Variants in PTPRT observed in about 807,000 individuals in gnomAD.
PTPRT encodes protein tyrosine phosphatase receptor type T, also known as receptor-type tyrosine-protein phosphatase T.
PTPRT carries 56 observed loss-of-function variants against 176.8 expected under a neutral mutation model. The observed-to-expected ratio is 0.32, with a 90% confidence interval of 0.26 to 0.40. The LOEUF (loss-of-function observed/expected upper bound fraction) is 0.40, where lower values mean the gene tolerates loss of function less well. PTPRT is among the 10% of genes least tolerant of loss of function. The pLI is 1.00. For synonymous variants in PTPRT, 783 were observed against 739.0 expected, an observed-to-expected ratio of 1.06 and a Z score of -0.96; for missense variants, 1,540 against 1,908.2, an observed-to-expected ratio of 0.81 and a Z score of 3.60.
chr20:42,502,991 A>G (rs372185370), intron 7 of PTPRT, among the ~76,000 whole-genome samples: 2 of 152,046 alleles, frequency 1.3e-5, no homozygotes, highest in African/African-American at 2.4e-5. Flanking sequence ...GTTATTACCA[A>G]TCTGTAAGTT....
chr20:43,166,723 T>C (rs1224882009), intron 1 of PTPRT, among the ~76,000 whole-genome samples: 1 of 152,164 alleles, frequency 6.6e-6, no homozygotes, highest in Non-Finnish European at 1.5e-5. Context: ...GCTGTACAGA[T>C]AAGGGGGGTA....
At chr20:43,062,236 T>G (rs1292125444) in intron 1 of PTPRT, among the ~76,000 whole-genome samples, 2 of 152,240 alleles carry the variant, frequency 1.3e-5, no homozygotes, top group Non-Finnish European at 2.9e-5. Flanking sequence ...TTATTGGATG[T>G]GACTAAAGCT....
At chr20:43,074,532 C>T (rs1319176978) in intron 1 of PTPRT, among the ~76,000 whole-genome samples, 1 of 152,290 alleles carries the variant, frequency 6.6e-6, no homozygotes, top group East Asian at 1.9e-4. Context: ...ATGAAGTTTG[C>T]TCGTGCATTT....
chr20:42,447,180 G>A (rs1159355362), intron 9 of PTPRT, among the ~76,000 whole-genome samples: 1 of 152,094 alleles, frequency 6.6e-6, no homozygotes, highest in Admixed American at 6.5e-5. Context: ...GCATGTTTCT[G>A]CATGAGCTCT....
intron 14 of PTPRT, among the ~76,000 whole-genome samples, chr20:42,239,259 G>A (rs2146872135): frequency 6.6e-6 from 1 of 152,188 alleles, no homozygotes; most frequent in African/African-American, 2.4e-5. Flanking sequence ...ATTAACTCAT[G>A]TATTCCTCAC....
intron 1 of PTPRT, among the ~76,000 whole-genome samples, chr20:43,044,595 C>T (rs970788536): frequency 2.6e-4 from 39 of 152,264 alleles, no homozygotes; most frequent in Non-Finnish European, 2.9e-4. Context: ...ACCTCCCTGC[C>T]GCATGCCCTT....
chr20:42,068,917 C>G (rs1322903694), downstream of PTPRT, among the ~76,000 whole-genome samples: 1 of 152,178 alleles, frequency 6.6e-6, no homozygotes, highest in East Asian at 1.9e-4. Context: ...GAAACAGATT[C>G]ATCTTCTATC....
At chr20:42,127,866 A>C (rs1415464517) in intron 19 of PTPRT, among the ~76,000 whole-genome samples, 4 of 152,208 alleles carry the variant, frequency 2.6e-5, no homozygotes, top group African/African-American at 9.6e-5. Flanking sequence ...TAGTTGTCTT[A>C]ATTCCAGAAT....
chr20:43,189,825 C>T lies in PTPRT; in HGVS notation c.-92G>A, dbSNP rs2015497153. 3.1e-6 allele frequency: 2 copies of T among 641,000 alleles called. No homozygotes were observed. Among genetic ancestry groups the T allele is most frequent in the Middle Eastern group, 7.9e-4 (1 of 1,262 alleles). 39.7% of individuals were successfully genotyped at this position (641,000 alleles called of 1,614,324 possible). A position where few individuals can be genotyped will look rare whatever the true frequency, so the allele number is the denominator to read the frequency against. ...GGTGGCCCCGCATCGCCGGCGCGGCCGCTGGCTGTGCGCGCGGCTGGCTCC... is the reference window on the plus strand; with the variant it reads ...GGTGGCCCCGCATCGCCGGCGCGGCTGCTGGCTGTGCGCGCGGCTGGCTCC... On this transcript the variant is annotated 5_prime_UTR_variant, in exon 1 of 31. Coordinates refer to ENST00000373187, the MANE Select transcript of PTPRT (RefSeq NM_007050.6). The surrounding 1 kb of genome is among the most constrained non-coding windows in gnomAD (Gnocchi z 5.0).
chr20:42,099,547 G>GA lies in PTPRT; in HGVS notation c.3715-996_3715-995insT, dbSNP rs1491261716. Among the ~76,000 whole-genome samples, 16 of 35,358 alleles carry GA rather than the reference G, an allele frequency of 4.5e-4. No individual in the cohort carries two copies. The East Asian group carries it at 0.018, about 39-fold the overall frequency. 23.2% of individuals were successfully genotyped at this position (35,358 alleles called of 152,430 possible). On this transcript the variant is annotated intron_variant, in intron 26 of 30. Coordinates refer to ENST00000373187, the MANE Select transcript of PTPRT (RefSeq NM_007050.6). ...GAGGCCCAGAGAAAATGGCCTGGGC[G>GA]GGGGGGGGGGGGGTGGGGTGGTCTG...
At chr20:42,427,603 T>C (rs1474297287) in intron 9 of PTPRT, among the ~76,000 whole-genome samples, 2 of 152,046 alleles carry the variant, frequency 1.3e-5, no homozygotes, top group African/African-American at 4.8e-5. Context: ...AAGGGCAGAC[T>C]CCTCCCAAAC....
At chr20:42,865,383 T>C (rs2078729368) in intron 2 of PTPRT, among the ~76,000 whole-genome samples, 1 of 152,162 alleles carries the variant, frequency 6.6e-6, no homozygotes. Context: ...AGATTTTCTG[T>C]TTCCTTTAAA....
chr20:42,620,973 T>C (rs1329026032), intron 7 of PTPRT, among the ~76,000 whole-genome samples: 1 of 151,984 alleles, frequency 6.6e-6, no homozygotes. Context: ...CCCCCGAAAC[T>C]TTCGTTTTTA....
chr20:42,738,372 C>G (rs193156253), intron 6 of PTPRT, among the ~76,000 whole-genome samples: 43 of 152,092 alleles, frequency 2.8e-4, no homozygotes, highest in African/African-American at 1.0e-3. Context: ...ATTAGCCAGG[C>G]ATGGTGGCAG....
At chr20:42,631,927 T>C (rs531158575) in intron 7 of PTPRT, among the ~76,000 whole-genome samples, 1 of 152,292 alleles carries the variant, frequency 6.6e-6, no homozygotes, top group South Asian at 2.1e-4. Flanking sequence ...TCTTTGTGTA[T>C]CTGGGGTCTT....
At chr20:42,589,120 T>C (rs1232088249) in intron 7 of PTPRT, among the ~76,000 whole-genome samples, 2 of 152,162 alleles carry the variant, frequency 1.3e-5, no homozygotes, top group African/African-American at 2.4e-5. Flanking sequence ...AATGCTGTCA[T>C]TGAGACATGG....
intron 6 of PTPRT, among the ~76,000 whole-genome samples, chr20:42,752,310 C>T (rs528544554): frequency 6.6e-6 from 1 of 152,356 alleles, no homozygotes; most frequent in Admixed American, 6.5e-5. Context: ...ACTCCTACAT[C>T]CATTATCACA....
intron 9 of PTPRT, among the ~76,000 whole-genome samples, chr20:42,382,508 C>T (rs1042411291): frequency 6.6e-6 from 1 of 152,148 alleles, no homozygotes; most frequent in African/African-American, 2.4e-5. Context: ...ACAGAGCCGT[C>T]CTGGAACTGA....
chr20:42,051,027 T>C, the PTPRT span, among the ~76,000 whole-genome samples: 2 of 152,248 alleles, frequency 1.3e-5, no homozygotes, highest in African/African-American at 4.8e-5. Flanking sequence ...CTCATGTAGC[T>C]GCTGTAAATG....
Sources: gnomAD v4.1 joint callset for allele counts (sites outside exome capture counted in the v4.1 genomes callset) on GRCh38, gnomAD v4.1.1 for gene constraint, Gnocchi (gnomAD v3.1) non-coding constraint, MANE v1.5 for transcripts, NCBI Gene and HGNC (gene_info 2026-07-23, HGNC 2026-07-21) for gene names.